UGCG: variants seen among roughly 807,000 people sequenced by gnomAD.
UGCG encodes UDP-glucose ceramide glucosyltransferase, also known as ceramide glucosyltransferase.
Under a neutral mutation model 49.5 loss-of-function variants are expected in UGCG, and 10 were observed. That is an observed-to-expected ratio of 0.20 (90% confidence interval 0.12 to 0.34). UGCG has a LOEUF of 0.34. Among genes scored for constraint, UGCG ranks in the 10% least tolerant of loss-of-function variants. UGCG has a pLI of 1.00. For synonymous variants in UGCG, 182 were observed against 158.2 expected (o/e 1.15, Z -1.13); for missense variants, 312 against 483.7 (o/e 0.65, Z 3.33).
At position 111,917,099 on chromosome 9, in the gene UGCG, C is replaced by A. The variant is rs185562720; in HGVS notation, c.240+2353C>A. On this transcript the variant is annotated intron_variant, in intron 2 of 8. Transcript: ENST00000374279. ...TAGCTCTTTTTCCATTTAGTTATAT[C>A]ATTTAAGTGGGTTGAGGAGAAAGCT... Among the ~76,000 whole-genome samples the A allele has an allele frequency of 9.6e-4, 146 of 152,220 alleles. 1 individual carries two copies. Among genetic ancestry groups the A allele is most frequent in the Middle Eastern group, 3.4e-3 (1 of 294 alleles).
intron 6 of UGCG, among the ~76,000 whole-genome samples, chr9:111,930,353 A>G (rs540662949): frequency 3.3e-5 from 5 of 152,352 alleles, no homozygotes; most frequent in African/African-American, 1.2e-4. Flanking sequence ...TTTAAAGACT[A>G]TCATTTCAAA....
chr9:111,932,383 T>C (rs1838441754), intron 8 of UGCG, 24 bp downstream of exon 8: 2 of 1,597,462 alleles, frequency 1.3e-6, no homozygotes, highest in Middle Eastern at 1.7e-4. Context: ...CATGAAAAGG[T>C]TGGCAGTCCC....
Position 111,932,807 on chromosome 9 carries a change from AT to A in UGCG, c.1015-11del, listed in dbSNP as rs761901981. 108 of 1,522,558 alleles carry A rather than the reference AT, an allele frequency of 7.1e-5. No individual in the cohort carries two copies. Among genetic ancestry groups the A allele is most frequent in the South Asian group, 1.6e-4 (12 of 76,248 alleles). 94.3% of individuals were successfully genotyped at this position (1,522,558 alleles called of 1,614,324 possible). A position where few individuals can be genotyped will look rare whatever the true frequency, so the allele number is the denominator to read the frequency against. ...GTTTGACAGTGAGTGAAATTAAAAA[AT>A]TTTTTTTTCCATTCCTAGGGTGGCA... On this transcript the variant is annotated intron_variant, in intron 8 of 8. Coordinates refer to ENST00000374279, the MANE Select transcript of UGCG (RefSeq NM_003358.3).
At chr9:111,917,384 C>T (rs148877320) in intron 2 of UGCG, among the ~76,000 whole-genome samples, 1 of 152,268 alleles carries the variant, frequency 6.6e-6, no homozygotes, top group East Asian at 1.9e-4. Flanking sequence ...TCACGCATAT[C>T]TGAGCATGAA....
intron 3 of UGCG, among the ~76,000 whole-genome samples, chr9:111,924,083 C>T (rs1324383859): frequency 6.6e-6 from 1 of 152,210 alleles, no homozygotes; most frequent in Non-Finnish European, 1.5e-5. Flanking sequence ...CCCATGGTGC[C>T]TGGCCATGTG....
At chr9:111,905,849 G>A (rs1837872551) in intron 1 of UGCG, among the ~76,000 whole-genome samples, 1 of 152,272 alleles carries the variant, frequency 6.6e-6, no homozygotes, top group South Asian at 2.1e-4. Flanking sequence ...TTTACCTTAC[G>A]GTGGATGGCT....
intron 5 of UGCG, 55 bp from the exon 6 acceptor site, chr9:111,929,445 C>T: frequency 6.4e-7 from 1 of 1,552,432 alleles, no homozygotes; most frequent in Non-Finnish European, 8.7e-7. Flanking sequence ...AGTTCGTGAA[C>T]ACCATGCTTT....
At chr9:111,928,385 A>G (rs950971958) in intron 5 of UGCG, among the ~76,000 whole-genome samples, 5 of 152,246 alleles carry the variant, frequency 3.3e-5, no homozygotes, top group East Asian at 1.9e-4. Flanking sequence ...ACAGATGTCA[A>G]TAACATCTCT....
In UGCG at chr9:111,932,760, T is replaced by A. The variant is rs1264924070; in HGVS notation, c.1015-67T>A. ...CTTAGAAAAGTGAAATCCAAGAATT[T>A]AATTTTTTAACCTTGTCTTTAGTTT... is the stretch of plus-strand genomic sequence containing the variant. On this transcript the variant is annotated intron_variant, in intron 8 of 8. Transcript: ENST00000374279. 3 of 1,411,194 alleles carry A rather than the reference T, an allele frequency of 2.1e-6. No homozygotes were observed. In the African/African-American group the frequency reaches 4.3e-5, roughly 20 times the overall value. The allele number at this position is 1,411,194 out of a possible 1,614,324, so 87.4% of individuals were successfully genotyped here. A position where few individuals can be genotyped will look rare whatever the true frequency, so the allele number is the denominator to read the frequency against.
intron 1 of UGCG, among the ~76,000 whole-genome samples, chr9:111,910,106 G>A (rs1236839272): frequency 6.6e-6 from 1 of 152,210 alleles, no homozygotes; most frequent in African/African-American, 2.4e-5. Context: ...TTCTTCAAAG[G>A]AGGAGGTGTA....
intron 2 of UGCG, among the ~76,000 whole-genome samples, chr9:111,922,412 A>G (rs757733695): frequency 1.6e-4 from 25 of 152,218 alleles, no homozygotes; most frequent in Admixed American, 1.6e-3. Context: ...TCATGAAATA[A>G]TATTAAGTAT....
chr9:111,901,242 A>G (rs970690221), intron 1 of UGCG, among the ~76,000 whole-genome samples: 1 of 152,198 alleles, frequency 6.6e-6, no homozygotes, highest in African/African-American at 2.4e-5. Context: ...TATGTTTTTC[A>G]TGTAAATTTT....
rs1838217050 is a variant in UGCG at position 111,921,264 on chromosome 9, A to C, written c.241-1585A>C. On this transcript the variant is annotated intron_variant, in intron 2 of 8. Coordinates refer to ENST00000374279, the MANE Select transcript of UGCG (RefSeq NM_003358.3). The stretch of plus-strand genomic sequence containing the variant: ...TTCTTCATTGAGTCAACATGAATTT[A>C]TTACCACTTCTGGGGAAAAAAATCA... 2.0e-5 allele frequency among the ~76,000 whole-genome samples: 3 copies of C among 152,112 alleles called. No individual in the cohort carries two copies. The South Asian group carries it at 6.2e-4, about 32-fold the overall frequency.
intron 1 of UGCG, among the ~76,000 whole-genome samples, chr9:111,906,660 C>A (rs182044508): frequency 1.6e-4 from 25 of 151,990 alleles, no homozygotes; most frequent in Non-Finnish European, 2.9e-4. Flanking sequence ...GAACTCCCAA[C>A]CTCAGGTGAT....
chr9:111,931,277 G>C lies in UGCG; in HGVS notation c.744G>C (p.Trp248Cys). The C allele has an allele frequency of 6.2e-7, 1 of 1,613,556 alleles. No individual in the cohort carries two copies. The highest frequency in any genetic ancestry group is 1.1e-5 in the South Asian group (1 of 91,032). Residue 248 changes from tryptophan to cysteine, a missense_variant, in exon 7 of 9, where the codon TGG (tryptophan) becomes TGC (cysteine). This residue lies in a region of UGCG where 180 missense variants were observed against 320.4 expected (regional missense o/e 0.56). Coordinates refer to ENST00000374279, the MANE Select transcript of UGCG (RefSeq NM_003358.3). ...FMAKAIADRGWRFAMSTQVAM... is the reference protein window; with the variant it reads ...FMAKAIADRGCRFAMSTQVAM... Reference sequence around the variant, plus strand: ...TAATTATCTTAATTTTCAGAGGTTGGAGGTTTGCAATGTCCACTCAAGTTG... The same window carrying C: ...TAATTATCTTAATTTTCAGAGGTTGCAGGTTTGCAATGTCCACTCAAGTTG...
At chr9:111,932,506 T>C (rs1838444219) in intron 8 of UGCG, 147 bp downstream of exon 8, 1 of 871,912 alleles carries the variant, frequency 1.1e-6, no homozygotes, top group African/African-American at 1.7e-5. Flanking sequence ...CTTTCTCTAG[T>C]GGAATGTTGA....
intron 1 of UGCG, among the ~76,000 whole-genome samples, chr9:111,901,064 C>T (rs1230528069): frequency 6.6e-6 from 1 of 152,102 alleles, no homozygotes; most frequent in Admixed American, 6.6e-5. Context: ...GATCCCCCCA[C>T]CTTGGCCTCC....
chr9:111,929,694 G>A lies in UGCG; in HGVS notation c.737+16G>A. On this transcript the variant is annotated intron_variant, in intron 6 of 8. Coordinates refer to ENST00000374279, the MANE Select transcript of UGCG (RefSeq NM_003358.3). ...TAGCTGACCGGTAAGACAACTAAAT[G>A]AAGCCATAGTATTTTTATTACCTAA... 1 of 1,611,136 alleles carries A rather than the reference G, an allele frequency of 6.2e-7. No homozygotes were observed. The highest frequency in any genetic ancestry group is 8.5e-7 in the Non-Finnish European group (1 of 1,179,298).
Position 111,932,807 on chromosome 9 carries a change from A to AT in UGCG, c.1015-11dup, listed in dbSNP as rs761901981. ...GTTTGACAGTGAGTGAAATTAAAAA[A>AT]TTTTTTTTTCCATTCCTAGGGTGGC... On this transcript the variant is annotated intron_variant, in intron 8 of 8. Coordinates refer to ENST00000374279, the MANE Select transcript of UGCG (RefSeq NM_003358.3). 7.6e-5 allele frequency: 116 copies of AT among 1,522,340 alleles called. No individual in the cohort carries two copies. The highest frequency in any genetic ancestry group is 3.4e-4 in the South Asian group (26 of 76,268). 94.3% of individuals were successfully genotyped at this position (1,522,340 alleles called of 1,614,324 possible).
Sources: gnomAD v4.1 joint callset for allele counts (sites outside exome capture counted in the v4.1 genomes callset) on GRCh38, gnomAD v4.1.1 for gene constraint, gnomAD v4.1.1 regional missense constraint, MANE v1.5 for transcripts, NCBI Gene and HGNC (gene_info 2026-07-23, HGNC 2026-07-21) for gene names.